The following DRC8 variants were observed in gnomAD, a reference collection of about 807,000 sequenced individuals.
The protein encoded by DRC8 is dynein regulatory complex subunit 8.
chr1:245,062,866 G>T, the DRC8 span, among the ~76,000 whole-genome samples: 2 of 152,122 alleles, frequency 1.3e-5, no homozygotes, highest in African/African-American at 4.8e-5. Flanking sequence ...ATTATATGAG[G>T]CCTCTTAACT....
At chr1:244,978,219 C>T in the DRC8 span, among the ~76,000 whole-genome samples, 3 of 152,016 alleles carry the variant, frequency 2.0e-5, no homozygotes, top group Admixed American at 1.3e-4. Flanking sequence ...CTAGGCCGGG[C>T]GCAGTGGCTC....
the DRC8 span, among the ~76,000 whole-genome samples, chr1:245,033,870 C>T: frequency 6.6e-6 from 1 of 151,842 alleles, no homozygotes; most frequent in Non-Finnish European, 1.5e-5. Context: ...TACAGGCGTG[C>T]ACCACCATGC....
the DRC8 span, among the ~76,000 whole-genome samples, chr1:244,997,744 CA>C: frequency 1.3e-5 from 2 of 151,966 alleles, no homozygotes; most frequent in Admixed American, 1.3e-4. Context: ...GAGGTTTCAC[CA>C]TGTTGGCCAG....
At chr1:245,117,090 G>A in the DRC8 span, among the ~76,000 whole-genome samples, 1 of 152,298 alleles carries the variant, frequency 6.6e-6, no homozygotes, top group South Asian at 2.1e-4. Flanking sequence ...GTCTTGCTCT[G>A]TTGCCAGGCT....
chr1:244,988,863 C>G, the DRC8 span, among the ~76,000 whole-genome samples: 1 of 152,108 alleles, frequency 6.6e-6, no homozygotes, highest in Non-Finnish European at 1.5e-5. Context: ...CAGCTAGATA[C>G]TCGATATTGT....
chr1:245,082,226 A>G, the DRC8 span: 1 of 1,440,770 alleles, frequency 6.9e-7, no homozygotes, highest in East Asian at 2.3e-5. Flanking sequence ...CATTCATTTC[A>G]GGACGCTTGG....
chr1:245,073,536 A>T, the DRC8 span, among the ~76,000 whole-genome samples: 2 of 152,164 alleles, frequency 1.3e-5, no homozygotes, highest in Admixed American at 1.3e-4. Flanking sequence ...GGCGTGGCAT[A>T]TGGGAACTGT....
the DRC8 span, among the ~76,000 whole-genome samples, chr1:245,082,787 C>T: frequency 4.6e-5 from 7 of 152,142 alleles, no homozygotes; most frequent in Admixed American, 6.5e-5. Context: ...TCACTGCAAC[C>T]TCCACCTCCT....
the DRC8 span, among the ~76,000 whole-genome samples, chr1:245,072,103 C>A: frequency 6.6e-6 from 1 of 152,190 alleles, no homozygotes; most frequent in South Asian, 2.1e-4. Flanking sequence ...AAATTTATGG[C>A]CACACAGAAA....
chr1:245,076,124 G>T, the DRC8 span, among the ~76,000 whole-genome samples: 1 of 152,178 alleles, frequency 6.6e-6, no homozygotes, highest in Non-Finnish European at 1.5e-5. Flanking sequence ...ATAAACAGGT[G>T]GGTCTACACT....
At chr1:245,059,557 C>A in the DRC8 span, 1 of 935,250 alleles carries the variant, frequency 1.1e-6, no homozygotes. Context: ...AAAAAGTGCC[C>A]CAAACTACTG....
At chr1:245,008,665 T>A in the DRC8 span, among the ~76,000 whole-genome samples, 3 of 85,536 alleles carry the variant, frequency 3.5e-5, no homozygotes, top group African/African-American at 5.0e-5. Flanking sequence ...TAACATGTTC[T>A]CACACTTTTT....
At chr1:245,083,731 A>G in the DRC8 span, 2 of 1,570,358 alleles carry the variant, frequency 1.3e-6, no homozygotes, top group Non-Finnish European at 8.6e-7. Flanking sequence ...TATGTGAGGA[A>G]TTAATAATTT....
the DRC8 span, among the ~76,000 whole-genome samples, chr1:245,003,623 T>A: frequency 6.6e-6 from 1 of 152,310 alleles, no homozygotes; most frequent in African/African-American, 2.4e-5. Context: ...GGGGTTTTGC[T>A]CTGTTGAGCA....
chr1:245,014,517 G>T, the DRC8 span, among the ~76,000 whole-genome samples: 1 of 152,138 alleles, frequency 6.6e-6, no homozygotes, highest in Non-Finnish European at 1.5e-5. Context: ...ATAAATTATG[G>T]TGTATTATTT....
chr1:245,076,678 C>CA, the DRC8 span, among the ~76,000 whole-genome samples: 5 of 152,030 alleles, frequency 3.3e-5, no homozygotes, highest in African/African-American at 1.2e-4. Flanking sequence ...AAATAGGTCC[C>CA]AATTGCACCA....
chr1:245,022,211 T>A, the DRC8 span, among the ~76,000 whole-genome samples: 15 of 151,384 alleles, frequency 9.9e-5, no homozygotes, highest in African/African-American at 3.7e-4. Flanking sequence ...AGTGGAGTGA[T>A]CTCGGCTCAC....
the DRC8 span, among the ~76,000 whole-genome samples, chr1:245,003,401 G>T: frequency 1.4e-3 from 220 of 152,320 alleles, no homozygotes; most frequent in African/African-American, 5.2e-3. Context: ...TTATCACCAT[G>T]TGGCAAGTGG....
chr1:245,118,591 A>G, the DRC8 span, among the ~76,000 whole-genome samples: 2 of 152,054 alleles, frequency 1.3e-5, no homozygotes, highest in African/African-American at 2.4e-5. Flanking sequence ...CGGGAGTACG[A>G]GATCAGCCTG....
Sources: gnomAD v4.1 joint callset for allele counts (sites outside exome capture counted in the v4.1 genomes callset) on GRCh38, gnomAD v4.1.1 for gene constraint, MANE v1.5 for transcripts, NCBI Gene and HGNC (gene_info 2026-07-23, HGNC 2026-07-21) for gene names.